The following CCDC125 variants were observed in gnomAD, a reference collection of about 807,000 sequenced individuals.
CCDC125 encodes the protein coiled-coil domain-containing protein 125.
A neutral mutation model predicts 57.4 loss-of-function variants in CCDC125; 43 were observed. That is an observed-to-expected ratio of 0.75 (90% confidence interval 0.59 to 0.97). The LOEUF is 0.97. CCDC125 is among the 50% of genes least tolerant of loss of function. The pLI is 0.00. For synonymous variants in CCDC125, 187 were observed against 195.2 expected (o/e 0.96, Z 0.35); for missense variants, 563 against 595.7 (o/e 0.95, Z 0.57).
In CCDC125 at chr5:69,300,075, C is replaced by A; in HGVS notation, c.753G>T (p.Gln251His). 1 of 1,614,204 alleles carries A rather than the reference C, an allele frequency of 6.2e-7. No homozygotes were observed. Among genetic ancestry groups the A allele is most frequent in the Non-Finnish European group, 8.5e-7 (1 of 1,180,044 alleles). ...AGCACATGTTTTCCTGAGCCATCTT[C>A]TGCTGTTTGATATCAAGCATGGCGA... ...EALAMLDIKQ[Q>H]KMAQENMCCD... The change falls in exon 8 of 12, where the codon CAG becomes CAT. Residue 251 changes from glutamine to histidine, a missense_variant. Gln to His is a conservative substitution (Grantham distance 24). Coordinates refer to ENST00000396496, the MANE Select transcript of CCDC125 (RefSeq NM_176816.5).
chr5:69,314,646 TAA>T (rs1322143271), intron 2 of CCDC125, among the ~76,000 whole-genome samples: 4 of 151,952 alleles, frequency 2.6e-5, no homozygotes, highest in Admixed American at 1.3e-4. Context: ...CTACAAAATA[TAA>T]AATAAAAAAT....
chr5:69,290,629 CTTTTTTTTTT>C, intron 10 of CCDC125, among the ~76,000 whole-genome samples: 1 of 117,772 alleles, frequency 8.5e-6, no homozygotes, highest in Middle Eastern at 5.2e-3. Context: ...TCTTTTTTTT[CTTTTTTTTTT>C]TTTTTTGTTT....
At chr5:69,279,459 G>A (rs1372214650), downstream of CCDC125, among the ~76,000 whole-genome samples, 1 of 152,182 alleles carries the variant, frequency 6.6e-6, no homozygotes. Flanking sequence ...GCCTCCCAAA[G>A]TGCTGGGATT....
chr5:69,276,764 GAAC>G (rs1463742094), downstream of CCDC125: 2 of 1,244,778 alleles, frequency 1.6e-6, no homozygotes, highest in African/African-American at 1.5e-5. Flanking sequence ...GCTAGCGACT[GAAC>G]AACAGCAAAG....
At chr5:69,323,034 C>T (rs780460743) in intron 1 of CCDC125, among the ~76,000 whole-genome samples, 24 of 150,884 alleles carry the variant, frequency 1.6e-4, no homozygotes, top group Non-Finnish European at 3.1e-4. Flanking sequence ...CGGCCTGGCG[C>T]GGTGGCTCAT....
At chr5:69,279,208 T>C (rs1752346358), downstream of CCDC125, among the ~76,000 whole-genome samples, 1 of 150,242 alleles carries the variant, frequency 6.7e-6, no homozygotes, top group Non-Finnish European at 1.5e-5. Flanking sequence ...GTTTTTTTTT[T>C]TTTTTTGGAG....
At chr5:69,278,881 T>TA (rs1752331261), downstream of CCDC125, among the ~76,000 whole-genome samples, 6 of 150,538 alleles carry the variant, frequency 4.0e-5, no homozygotes, top group Admixed American at 3.3e-4. Context: ...TTTTTTTTTT[T>TA]AATGAGACAG....
intron 1 of CCDC125, among the ~76,000 whole-genome samples, chr5:69,323,255 G>A (rs1404224880): frequency 2.6e-5 from 4 of 151,866 alleles, no homozygotes; most frequent in African/African-American, 9.7e-5. Flanking sequence ...GTTGCAGTAA[G>A]CCGAGATTGC....
downstream of CCDC125, chr5:69,276,738 A>T: frequency 6.5e-7 from 1 of 1,530,022 alleles, no homozygotes; most frequent in Non-Finnish European, 9.0e-7. Context: ...AGAAAACTCC[A>T]AATAGCTCGT....
intron 2 of CCDC125, among the ~76,000 whole-genome samples, chr5:69,315,153 G>A (rs1174166071): frequency 6.6e-6 from 1 of 151,978 alleles, no homozygotes; most frequent in Non-Finnish European, 1.5e-5. Context: ...CTACTCAAGA[G>A]GCTGAGGCAG....
chr5:69,320,123 GA>G (rs1330062380), intron 2 of CCDC125, 113 bp downstream of exon 2: 12 of 1,089,762 alleles, frequency 1.1e-5, no homozygotes, highest in African/African-American at 3.2e-5. Flanking sequence ...ACTCCGTCCA[GA>G]AAAAAAAGAA....
chr5:69,321,618 G>GA (rs1450111493), intron 1 of CCDC125, among the ~76,000 whole-genome samples: 1 of 152,124 alleles, frequency 6.6e-6, no homozygotes, highest in African/African-American at 2.4e-5. Flanking sequence ...CCTAAACATA[G>GA]AAAAGGAACA....
chr5:69,309,912 A>T (rs552803969), intron 4 of CCDC125: 2 of 152,324 alleles, frequency 1.3e-5, no homozygotes, highest in South Asian at 4.1e-4. Flanking sequence ...AAAGGAGATC[A>T]TTTTGGAGCT....
Position 69,282,840 on chromosome 5 carries a change from G to A in CCDC125, c.1425C>T (p.Val475=). Residue 475 remains valine, a synonymous_variant, in exon 12 of 12, where the codon GTC becomes GTT. Transcript: ENST00000396496. ...TGCAGCCCACAGAATTTAAAATGCAGACACTTGAATGTATAGGATCACCCA... is the reference window on the plus strand; with the variant it reads ...TGCAGCCCACAGAATTTAAAATGCAAACACTTGAATGTATAGGATCACCCA... ...SVLGDPIHSS[V]CILNSVGCIC... is the part of the protein sequence containing the mutation. 6 of 1,614,042 alleles carry A rather than the reference G, an allele frequency of 3.7e-6. No homozygotes were observed. The highest frequency in any genetic ancestry group is 5.1e-6 in the Non-Finnish European group (6 of 1,179,942).
chr5:69,313,762 G>A lies in CCDC125; in HGVS notation c.366+223C>T, dbSNP rs537215050. On this transcript the variant is annotated intron_variant, in intron 3 of 11. Transcript: ENST00000396496. ...TCTTCTTGTCTTCACTCAGGCGGAA[G>A]AGCACCGCCTTCTTGCGCTTCTTCA... is the stretch of plus-strand genomic sequence containing the variant. 66 of 783,832 alleles carry A rather than the reference G, an allele frequency of 8.4e-5. No homozygotes were observed. In the African/African-American group the frequency reaches 1.1e-3, roughly 13 times the overall value. 48.6% of individuals were successfully genotyped at this position (783,832 alleles called of 1,614,324 possible). A position where few individuals can be genotyped will look rare whatever the true frequency, so the allele number is the denominator to read the frequency against.
chr5:69,318,239 C>T (rs1272206645), intron 2 of CCDC125, among the ~76,000 whole-genome samples: 1 of 151,464 alleles, frequency 6.6e-6, no homozygotes. Context: ...CTCAGCCTCC[C>T]AAAGTGCTGG....
chr5:69,274,370 C>A, the CCDC125 span, among the ~76,000 whole-genome samples: 2 of 152,150 alleles, frequency 1.3e-5, no homozygotes, highest in Admixed American at 6.6e-5. Flanking sequence ...TGCATCGGCT[C>A]ACACCTGTAA....
chr5:69,288,998 A>G (rs1025265344), intron 10 of CCDC125, among the ~76,000 whole-genome samples: 1 of 152,240 alleles, frequency 6.6e-6, no homozygotes, highest in African/African-American at 2.4e-5. Context: ...AAATGCACAT[A>G]TTCTCAAGTG....
downstream of CCDC125, among the ~76,000 whole-genome samples, chr5:69,275,507 G>A (rs560319678): frequency 6.6e-6 from 1 of 152,072 alleles, no homozygotes; most frequent in Non-Finnish European, 1.5e-5. Flanking sequence ...CTCATAATTA[G>A]TATAGGTTGA....
Sources: allele counts gnomAD v4.1 joint callset (sites outside exome capture counted in the v4.1 genomes callset), GRCh38; gene constraint gnomAD v4.1.1; transcripts MANE v1.5; gene names NCBI Gene and HGNC (gene_info 2026-07-23, HGNC 2026-07-21).